The following CRB1 variants were observed in gnomAD, a reference collection of about 807,000 sequenced individuals.
CRB1 encodes protein crumbs homolog 1.
Under a neutral mutation model 120.0 loss-of-function variants are expected in CRB1, and 83 were observed. That is an observed-to-expected ratio of 0.69 (90% CI 0.58 to 0.83). The LOEUF is 0.83. Among genes scored for constraint, CRB1 ranks in the 40% least tolerant of loss-of-function variants. The probability of loss-of-function intolerance (pLI) is 0.00; values close to 1 mark genes in which losing one functional copy is unlikely to be tolerated. For synonymous variants in CRB1, 625 were observed against 612.5 expected, an observed-to-expected ratio of 1.02 and a Z score of -0.30; for missense variants, 1,699 against 1,687.6, an observed-to-expected ratio of 1.01 and a Z score of -0.12.
In CRB1 at chr1:197,347,445, C is replaced by A. The variant is rs1470821288; in HGVS notation, c.954C>A (p.Asp318Glu). The A allele has an allele frequency of 6.2e-7, 1 of 1,614,092 alleles. No individual in the cohort carries two copies. The highest frequency in any genetic ancestry group is 8.5e-7 in the Non-Finnish European group (1 of 1,179,952). Residue 318 changes from aspartate to glutamate, a missense_variant, in exon 4 of 12, where the codon GAC becomes GAA. Transcript: ENST00000367400. ...KPCHNNATCE[D>E]SVDNYTCHCW... is the part of the protein sequence containing the mutation. ...GTCACAATAATGCTACATGTGAGGA[C>A]AGTGTTGACAATTACACTTGTCACT...
At chr1:197,274,061 C>A (rs1259357047) in intron 1 of CRB1, among the ~76,000 whole-genome samples, 1 of 150,094 alleles carries the variant, frequency 6.7e-6, no homozygotes, top group East Asian at 1.9e-4. Context: ...AAATCTGTGT[C>A]TGTCTGTATT....
the CRB1 span, among the ~76,000 whole-genome samples, chr1:197,204,540 G>A: frequency 2.6e-5 from 4 of 152,124 alleles, no homozygotes; most frequent in East Asian, 3.8e-4. Flanking sequence ...GTGATGTTGA[G>A]CATTTTTTCA....
chr1:197,315,221 G>A, intron 1 of CRB1, among the ~76,000 whole-genome samples: 2 of 152,068 alleles, frequency 1.3e-5, no homozygotes, highest in African/African-American at 4.8e-5. Flanking sequence ...ACATCAGGAG[G>A]GCGAGTCTTG....
chr1:197,351,421 C>A (rs553442699), intron 4 of CRB1, among the ~76,000 whole-genome samples: 1 of 149,312 alleles, frequency 6.7e-6, no homozygotes, highest in East Asian at 2.0e-4. Flanking sequence ...AAGAAAAGAG[C>A]ATGTCCAATT....
At chr1:197,308,387 C>T (rs975333714) in intron 1 of CRB1, among the ~76,000 whole-genome samples, 3 of 152,110 alleles carry the variant, frequency 2.0e-5, no homozygotes, top group Admixed American at 1.3e-4. Flanking sequence ...TCCCATGTAA[C>T]AAACCTGCAC....
intron 1 of CRB1, among the ~76,000 whole-genome samples, chr1:197,286,914 G>T (rs1356994915): frequency 6.6e-6 from 1 of 151,758 alleles, no homozygotes; most frequent in Non-Finnish European, 1.5e-5. Flanking sequence ...AAGGGAAAAA[G>T]AAAAACTATT....
chr1:197,470,915 C>T lies in CRB1; in HGVS notation c.4006-6749C>T, dbSNP rs145826190. ...ATCTCAGTGTCACTGGGCCCTTTCC[C>T]TAAAGGTCTACAAGAGGAAATATGT... On this transcript the variant is annotated intron_variant, in intron 11 of 11. Transcript: ENST00000367400. 4.5e-4 allele frequency among the ~76,000 whole-genome samples: 69 copies of T among 152,326 alleles called. No individual in the cohort carries two copies. The East Asian group carries it at 0.01, about 22-fold the overall frequency.
chr1:197,344,915 T>A (rs1405417427), intron 3 of CRB1, among the ~76,000 whole-genome samples: 1 of 152,254 alleles, frequency 6.6e-6, no homozygotes, highest in African/African-American at 2.4e-5. Context: ...ATTACTTATA[T>A]CTTGAATTAA....
Position 197,435,110 on chromosome 1 carries a change from G to A in CRB1, c.3247G>A (p.Gly1083Arg), listed in dbSNP as rs749624018. Residue 1083 changes from glycine to arginine, a missense_variant, in exon 9 of 12, where the codon GGA (glycine) becomes AGA (arginine). By Grantham distance (125) the Gly-to-Arg change is moderately radical (BLOSUM62 -2). Coordinates refer to ENST00000367400, the MANE Select transcript of CRB1 (RefSeq NM_201253.3). ...GAAGGATAATACAGATATTTATGTG[G>A]GAGACAGAGCTATTGACAATATAAA... Reference protein sequence around the residue: ...FLKDNTDIYVGDRAIDNIKGL... With the variant: ...FLKDNTDIYVRDRAIDNIKGL... 8.7e-6 allele frequency: 14 copies of A among 1,613,846 alleles called. No homozygotes were observed. The South Asian group carries it at 1.5e-4, about 18-fold the overall frequency.
chr1:197,278,369 C>A (rs1157335338), intron 1 of CRB1, among the ~76,000 whole-genome samples: 3 of 151,922 alleles, frequency 2.0e-5, no homozygotes, highest in Non-Finnish European at 2.9e-5. Context: ...TTCCAGTCTC[C>A]AAAACAAGAA....
intron 5 of CRB1, among the ~76,000 whole-genome samples, chr1:197,398,096 CA>C (rs1662864358): frequency 6.6e-6 from 1 of 152,152 alleles, no homozygotes; most frequent in African/African-American, 2.4e-5. Context: ...TTAAGGTCAG[CA>C]AAAACATTCT....
intron 5 of CRB1, chr1:197,357,710 C>G (rs1277898335): frequency 6.6e-6 from 1 of 152,562 alleles, no homozygotes; most frequent in Non-Finnish European, 1.5e-5. Context: ...TTAAGTGATG[C>G]CTCTGGAAAA....
chr1:197,239,723 T>G, the CRB1 span, among the ~76,000 whole-genome samples: 2 of 151,448 alleles, frequency 1.3e-5, no homozygotes, highest in Non-Finnish European at 2.9e-5. Context: ...TAGTTTTTTT[T>G]TTGTTTTCTG....
intron 1 of CRB1, among the ~76,000 whole-genome samples, chr1:197,317,753 G>T (rs1657940003): frequency 1.3e-5 from 2 of 152,164 alleles, no homozygotes; most frequent in Non-Finnish European, 2.9e-5. Context: ...GGAAAGGACA[G>T]CCTTTTCAAT....
intron 5 of CRB1, among the ~76,000 whole-genome samples, chr1:197,395,990 T>A (rs1189636945): frequency 2.0e-5 from 3 of 152,092 alleles, no homozygotes; most frequent in African/African-American, 7.2e-5. Context: ...GTGATCCTGG[T>A]CAGTGCAACA....
At chr1:197,255,967 A>T in the CRB1 span, among the ~76,000 whole-genome samples, 5 of 89,962 alleles carry the variant, frequency 5.6e-5, no homozygotes, top group Admixed American at 1.2e-4. Context: ...AGAACATTTT[A>T]TATATATATA....
chr1:197,302,600 A>G (rs1656933685), intron 1 of CRB1, among the ~76,000 whole-genome samples: 2 of 152,224 alleles, frequency 1.3e-5, no homozygotes, highest in South Asian at 4.1e-4. Flanking sequence ...GCTAAATGTT[A>G]GGAGTGAAGT....
chr1:197,291,005 CT>C (rs1656144805), intron 1 of CRB1, among the ~76,000 whole-genome samples: 1 of 151,704 alleles, frequency 6.6e-6, no homozygotes, highest in Admixed American at 6.6e-5. Context: ...CTAAAATATA[CT>C]GTGGACATTA....
At chr1:197,228,073 C>A in the CRB1 span, among the ~76,000 whole-genome samples, 9 of 152,148 alleles carry the variant, frequency 5.9e-5, no homozygotes, top group Non-Finnish European at 1.2e-4. Context: ...GGGCCGGGCC[C>A]ATGAAACCAT....
Sources: gnomAD v4.1 joint callset for allele counts (sites outside exome capture counted in the v4.1 genomes callset) on GRCh38, gnomAD v4.1.1 for gene constraint, MANE v1.5 for transcripts, NCBI Gene and HGNC (gene_info 2026-07-23, HGNC 2026-07-21) for gene names.